Variants in RC3H2 observed in about 807,000 individuals in gnomAD.
RC3H2 encodes the protein roquin-2.
RC3H2 carries 31 observed loss-of-function variants against 133.3 expected under a neutral mutation model. That is an observed-to-expected ratio of 0.23 (90% confidence interval 0.17 to 0.31). RC3H2 has a LOEUF of 0.31. RC3H2 is among the 10% of genes least tolerant of loss of function. RC3H2 has a pLI of 1.00. For synonymous variants in RC3H2, 517 were observed against 502.2 expected, an observed-to-expected ratio of 1.03 and a Z score of -0.40; for missense variants, 1,175 against 1,437.2, an observed-to-expected ratio of 0.82 and a Z score of 2.95.
chr9:122,881,614 G>A, intron 5 of RC3H2, among the ~76,000 whole-genome samples: 1 of 152,190 alleles, frequency 6.6e-6, no homozygotes, highest in East Asian at 1.9e-4. Flanking sequence ...TACTACGGCA[G>A]GGAATTTGGA....
chr9:122,874,299 AAC>A (rs1362412498), intron 9 of RC3H2: 1 of 152,156 alleles, frequency 6.6e-6, no homozygotes, highest in Non-Finnish European at 1.5e-5. Context: ...TGTACTGAGG[AAC>A]TAATTAAGAA....
At chr9:122,892,080 T>G (rs560069084) in intron 3 of RC3H2, among the ~76,000 whole-genome samples, 1 of 152,246 alleles carries the variant, frequency 6.6e-6, no homozygotes, top group African/African-American at 2.4e-5. Context: ...ATTCAAATAA[T>G]GTACAAATTT....
intron 1 of RC3H2, among the ~76,000 whole-genome samples, chr9:122,900,689 T>C (rs1211090964): frequency 1.3e-5 from 2 of 152,198 alleles, no homozygotes; most frequent in Admixed American, 1.3e-4. Context: ...TGAATATTTA[T>C]AGTTACTACT....
At position 122,890,510 on chromosome 9, in the gene RC3H2, G is replaced by C. The variant is rs752279194; in HGVS notation, c.385C>G (p.Pro129Ala). The C allele has an allele frequency of 6.2e-7, 1 of 1,614,156 alleles. No individual in the cohort carries two copies. Among genetic ancestry groups the C allele is most frequent in the Admixed American group, 1.7e-5 (1 of 60,028 alleles). The change falls in exon 4 of 21, where the codon CCA becomes GCA. Residue 129 changes from proline to alanine, a missense_variant. Transcript: ENST00000357244. ...ASLNQSALSR[P>A]MQRKLVTLVN... ...AGTGTCACCAGTTTCCTTTGCATTG[G>C]ACGGCTCAGTGCACTCTGGTTCAAG...
intron 1 of RC3H2, among the ~76,000 whole-genome samples, chr9:122,903,152 G>A (rs1400338084): frequency 6.6e-6 from 1 of 152,104 alleles, no homozygotes; most frequent in African/African-American, 2.4e-5. Flanking sequence ...AGGAAATTGA[G>A]GTAAAACTCA....
intron 1 of RC3H2, among the ~76,000 whole-genome samples, chr9:122,903,663 G>A (rs1166410780): frequency 1.3e-5 from 2 of 152,184 alleles, no homozygotes; most frequent in Non-Finnish European, 2.9e-5. Flanking sequence ...TATAACATCT[G>A]CTTTTTCTAA....
intron 13 of RC3H2, 26 bp from the exon 14 acceptor site, chr9:122,855,904 C>A: frequency 6.3e-7 from 1 of 1,578,248 alleles, no homozygotes; most frequent in Non-Finnish European, 8.6e-7. Flanking sequence ...TAAATAAAGC[C>A]AATTAGTAAG....
chr9:122,870,603 G>A (rs1302020359), intron 9 of RC3H2, among the ~76,000 whole-genome samples: 1 of 152,084 alleles, frequency 6.6e-6, no homozygotes, highest in Non-Finnish European at 1.5e-5. Flanking sequence ...GCCTTTTCAG[G>A]GACAGGATCT....
At chr9:122,865,138 G>C (rs1472443858) in intron 10 of RC3H2, among the ~76,000 whole-genome samples, 1 of 152,130 alleles carries the variant, frequency 6.6e-6, no homozygotes, top group African/African-American at 2.4e-5. Flanking sequence ...CAGAGTTAAA[G>C]TCACTTTCCC....
Position 122,861,968 on chromosome 9 carries a change from T to C in RC3H2, c.1635-1837A>G, listed in dbSNP as rs569567216. On this transcript the variant is annotated intron_variant, in intron 10 of 20. Coordinates refer to ENST00000357244, the MANE Select transcript of RC3H2 (RefSeq NM_001100588.3). ...AACAAGGAAAATGATTAGGATTTCCTTAAAACAATAACTAATATTTATCAA... is the reference window on the plus strand; with the variant it reads ...AACAAGGAAAATGATTAGGATTTCCCTAAAACAATAACTAATATTTATCAA... Among the ~76,000 whole-genome samples the C allele has an allele frequency of 6.8e-4, 103 of 152,348 alleles. No homozygotes were observed. In the South Asian group the frequency reaches 0.02, roughly 30 times the overall value.
intron 14 of RC3H2, 131 bp from the exon 15 acceptor site, chr9:122,855,528 C>T: frequency 1.1e-6 from 1 of 951,846 alleles, no homozygotes; most frequent in Non-Finnish European, 1.5e-6. Context: ...AACGATAATC[C>T]AACAAACTAC....
At chr9:122,857,813 C>T (rs1830302425) in intron 13 of RC3H2, 110 bp downstream of exon 13, 1 of 830,540 alleles carries the variant, frequency 1.2e-6, no homozygotes, top group Non-Finnish European at 1.7e-6. Context: ...CTCAATTGCA[C>T]ACCAAACCAC....
At position 122,892,777 on chromosome 9, in the gene RC3H2, C is replaced by T. The variant is rs889422393; in HGVS notation, c.349+132G>A. The T allele has an allele frequency of 2.6e-5, 17 of 665,518 alleles. No individual in the cohort carries two copies. The East Asian group carries it at 4.1e-4, about 16-fold the overall frequency. 41.2% of individuals were successfully genotyped at this position (665,518 alleles called of 1,614,324 possible). A position where few individuals can be genotyped will look rare whatever the true frequency, so the allele number is the denominator to read the frequency against. ...AATAGGACAACATAATTTTCTCAGT[C>T]TATACATTTTTCAAGGCATTTCTCA... On this transcript the variant is annotated intron_variant, in intron 3 of 20. Transcript: ENST00000357244.
chr9:122,849,805 A>G lies in RC3H2; in HGVS notation c.3398T>C (p.Ile1133Thr), dbSNP rs762247821. The G allele has an allele frequency of 6.4e-7, 1 of 1,571,318 alleles. No homozygotes were observed. The highest frequency in any genetic ancestry group is 2.0e-5 in the Admixed American group (1 of 50,402). Residue 1133 changes from isoleucine to threonine, a missense_variant, in exon 21 of 21, where the codon ATT becomes ACT. Ile to Thr is a moderately conservative substitution (Grantham distance 89). Around this residue, in one of 8 missense-constraint regions of RC3H2, gnomAD observed 220 missense variants for 201.1 expected, o/e 1.09. Coordinates refer to ENST00000357244, the MANE Select transcript of RC3H2 (RefSeq NM_001100588.3). The part of the protein sequence containing the change: ...DHVILEEQKT[I>T]LPVTSCFSQP... The stretch of plus-strand genomic sequence containing the variant: ...GCTAAAGCAAGAAGTTACCGGCAGA[A>G]TTGTTTTTTGCTCCTCCCTGAGAAA...
intron 4 of RC3H2, among the ~76,000 whole-genome samples, chr9:122,886,275 T>A (rs764256031): frequency 3.3e-5 from 5 of 152,228 alleles, no homozygotes; most frequent in African/African-American, 4.8e-5. Context: ...TATTTATGGA[T>A]ACATTACATT....
chr9:122,877,634 G>T, intron 8 of RC3H2, 51 bp from the exon 9 acceptor site: 1 of 1,369,524 alleles, frequency 7.3e-7, no homozygotes, highest in Non-Finnish European at 1.0e-6. Flanking sequence ...GATTCCATTT[G>T]TTATTCACTC....
chr9:122,888,409 T>C (rs958495907), intron 4 of RC3H2, among the ~76,000 whole-genome samples: 6 of 152,224 alleles, frequency 3.9e-5, no homozygotes, highest in Non-Finnish European at 8.8e-5. Flanking sequence ...CAAAACAAGA[T>C]AGAGTTGGCA....
At position 122,851,613 on chromosome 9, in the gene RC3H2, C is replaced by T. The variant is rs956796029; in HGVS notation, c.3118-177G>A. The T allele has an allele frequency of 4.6e-5, 38 of 822,726 alleles. 2 individuals are homozygous for T. In the East Asian group the frequency reaches 4.8e-4, roughly 10 times the overall value. 51.0% of individuals were successfully genotyped at this position (822,726 alleles called of 1,614,324 possible). A position where few individuals can be genotyped will look rare whatever the true frequency, so the allele number is the denominator to read the frequency against. The stretch of plus-strand genomic sequence containing the variant: ...ACCTCCCTGCCTGATTCTCCTGCCT[C>T]AGCCTGCAGAGTGCCTGCAATTGCA... On this transcript the variant is annotated intron_variant, in intron 18 of 20. Transcript: ENST00000357244.
chr9:122,866,362 T>TCCCCCA (rs1564293212), intron 9 of RC3H2, among the ~76,000 whole-genome samples: 2 of 15,834 alleles, frequency 1.3e-4, no homozygotes, highest in Admixed American at 6.6e-4. Context: ...TGTCTCCCTC[T>TCCCCCA]CCCCCTCCCC....
Sources: allele counts gnomAD v4.1 joint callset (sites outside exome capture counted in the v4.1 genomes callset), GRCh38; gene constraint gnomAD v4.1.1; regional missense constraint gnomAD v4.1.1; transcripts MANE v1.5; gene names NCBI Gene and HGNC (gene_info 2026-07-23, HGNC 2026-07-21).